Variants in RAD50 observed in about 807,000 individuals in gnomAD.
RAD50 encodes the protein DNA repair protein RAD50.
RAD50 carries 132 observed loss-of-function variants against 168.8 expected under a neutral mutation model. That is an observed-to-expected ratio of 0.78 (90% CI 0.68 to 0.90). The LOEUF (loss-of-function observed/expected upper bound fraction) is 0.90. Among genes scored for constraint, RAD50 ranks in the 40% least tolerant of loss-of-function variants. The pLI, the probability that RAD50 is intolerant of heterozygous loss-of-function variation, is 0.00. For synonymous variants in RAD50, 525 were observed against 497.4 expected, an observed-to-expected ratio of 1.06 and a Z score of -0.74; for missense variants, 1,347 against 1,534.4, an observed-to-expected ratio of 0.88 and a Z score of 2.04.
intron 7 of RAD50, 92 bp from the exon 8 acceptor site, chr5:132,588,595 C>CT: frequency 7.8e-7 from 1 of 1,284,172 alleles, no homozygotes; most frequent in Non-Finnish European, 1.1e-6. Flanking sequence ...AAGAGACACA[C>CT]TGCATTATTT....
At chr5:132,568,235 T>A (rs1348686907) in intron 2 of RAD50, among the ~76,000 whole-genome samples, 1 of 151,790 alleles carries the variant, frequency 6.6e-6, no homozygotes, top group Non-Finnish European at 1.5e-5. Flanking sequence ...CATGCCCGGC[T>A]GATTTTTTAT....
At chr5:132,603,629 A>T (rs1750928274) in intron 14 of RAD50, 140 bp downstream of exon 14, 1 of 989,606 alleles carries the variant, frequency 1.0e-6, no homozygotes, top group South Asian at 1.4e-5. Context: ...AGATACCCTC[A>T]GGGAGAAACT....
chr5:132,594,903 CA>C lies in RAD50; in HGVS notation c.1829del (p.His610LeufsTer2). 1 of 1,606,044 alleles carries C rather than the reference CA, an allele frequency of 6.2e-7. No individual in the cohort carries two copies. Among genetic ancestry groups the C allele is most frequent in the Non-Finnish European group, 8.5e-7 (1 of 1,172,832 alleles). ...ELASSEQNKN[H>X]INNELKRKEE... ...AGCTTCATCTGAGCAGAATAAAAAT[CA>C]TATAAATAATGAACTAAAAAGAAAG... On this transcript the variant is annotated frameshift_variant, in exon 12 of 25. Coordinates refer to ENST00000378823, the MANE Select transcript of RAD50 (RefSeq NM_005732.4). LOFTEE classifies it high-confidence loss of function.
intron 9 of RAD50, among the ~76,000 whole-genome samples, chr5:132,590,948 CAT>C (rs1034706891): frequency 6.6e-5 from 10 of 152,316 alleles, no homozygotes; most frequent in African/African-American, 2.4e-4. Flanking sequence ...TACTTAGACA[CAT>C]GTCTCCTAAT....
At chr5:132,569,428 G>C (rs1346280184) in intron 2 of RAD50, among the ~76,000 whole-genome samples, 4 of 152,142 alleles carry the variant, frequency 2.6e-5, no homozygotes, top group African/African-American at 9.7e-5. Context: ...ATGATGAGAA[G>C]AGGTCAATTT....
chr5:132,588,974 AT>A (rs1750648312), intron 8 of RAD50, 94 bp downstream of exon 8: 4 of 1,331,236 alleles, frequency 3.0e-6, no homozygotes, highest in East Asian at 5.0e-5. Flanking sequence ...ATTTTGGCAT[AT>A]TTTTCTATTA....
chr5:132,623,916 C>G (rs1306162263), intron 21 of RAD50, among the ~76,000 whole-genome samples: 1 of 152,144 alleles, frequency 6.6e-6, no homozygotes, highest in Non-Finnish European at 1.5e-5. Flanking sequence ...AAGGTGGTCC[C>G]AGAATTGCCT....
At chr5:132,600,799 A>G (rs1333977251) in intron 13 of RAD50, among the ~76,000 whole-genome samples, 3 of 152,184 alleles carry the variant, frequency 2.0e-5, no homozygotes, top group Non-Finnish European at 4.4e-5. Context: ...CAAAGAGTAA[A>G]TTTCAAATGT....
intron 5 of RAD50, among the ~76,000 whole-genome samples, chr5:132,580,872 T>A (rs973472400): frequency 1.3e-5 from 2 of 152,180 alleles, no homozygotes; most frequent in Non-Finnish European, 2.9e-5. Flanking sequence ...GTAGATTTTT[T>A]AAAGTCATTA....
At chr5:132,636,339 C>T (rs1053123027) in intron 21 of RAD50, among the ~76,000 whole-genome samples, 1 of 152,156 alleles carries the variant, frequency 6.6e-6, no homozygotes, top group Non-Finnish European at 1.5e-5. Context: ...AAACTACTAC[C>T]TTAAAAGAGA....
intron 22 of RAD50, 150 bp from the exon 23 acceptor site, chr5:132,637,931 C>T: frequency 1.1e-6 from 1 of 894,328 alleles, no homozygotes; most frequent in Non-Finnish European, 1.7e-6. Context: ...TTGAATCCTC[C>T]CAGCCAGAGA....
rs1581021033 is a variant in RAD50 at position 132,638,096 on chromosome 5, A to G, written c.3491A>G (p.Glu1164Gly). ...CCTGTGTCAGATATTGAATACATAG[A>G]AATACGGTCTGATGCCGATGAAAAT... is the stretch of plus-strand genomic sequence containing the variant. ...TYRGQDIEYI[E>G]IRSDADENVS... The change falls in exon 23 of 25, where the codon GAA becomes GGA. Residue 1164 changes from glutamate to glycine, a missense_variant. Transcript: ENST00000378823. 1 of 1,614,146 alleles carries G rather than the reference A, an allele frequency of 6.2e-7. No homozygotes were observed. The highest frequency in any genetic ancestry group is 1.1e-5 in the South Asian group (1 of 91,088).
chr5:132,603,236 C>CA, intron 13 of RAD50, 64 bp from the exon 14 acceptor site: 1 of 1,428,960 alleles, frequency 7.0e-7, no homozygotes, highest in Non-Finnish European at 9.6e-7. Context: ...CCTAAAAATA[C>CA]ATAACCTCAG....
intron 21 of RAD50, among the ~76,000 whole-genome samples, chr5:132,626,406 G>T (rs1241383666): frequency 6.6e-6 from 1 of 152,100 alleles, no homozygotes; most frequent in African/African-American, 2.4e-5. Flanking sequence ...TTTGAGTCCT[G>T]ACTGAAGATA....
At chr5:132,619,951 C>G (rs1050055260) in intron 21 of RAD50, among the ~76,000 whole-genome samples, 5 of 146,596 alleles carry the variant, frequency 3.4e-5, no homozygotes, top group Non-Finnish European at 5.9e-5. Context: ...GTCGCCCAGG[C>G]TGGAGTGCAG....
At chr5:132,559,493 A>G (rs1476678737) in intron 2 of RAD50, 126 bp downstream of exon 2, 2 of 896,076 alleles carry the variant, frequency 2.2e-6, no homozygotes, top group East Asian at 2.8e-5. Context: ...TTTAGCACCC[A>G]GTAGTAACCG....
At chr5:132,631,167 C>A (rs143645299) in intron 21 of RAD50, among the ~76,000 whole-genome samples, 2,856 of 145,674 alleles carry the variant, frequency 0.02, 74 homozygotes, top group African/African-American at 0.062. Flanking sequence ...GTCACCCAGG[C>A]TGGAGTTCAT....
intron 2 of RAD50, among the ~76,000 whole-genome samples, chr5:132,572,282 A>T (rs752393154): frequency 6.6e-6 from 1 of 152,226 alleles, no homozygotes; most frequent in Non-Finnish European, 1.5e-5. Flanking sequence ...GAAGGCATCC[A>T]CAGAAGTACC....
chr5:132,617,263 T>G (rs1468048399), intron 20 of RAD50, among the ~76,000 whole-genome samples: 1 of 152,204 alleles, frequency 6.6e-6, no homozygotes, highest in Non-Finnish European at 1.5e-5. Flanking sequence ...TTTAAAAAAT[T>G]TCTTCTGTAA....
Sources: gnomAD v4.1 joint callset for allele counts (sites outside exome capture counted in the v4.1 genomes callset) on GRCh38, gnomAD v4.1.1 for gene constraint, MANE v1.5 for transcripts, NCBI Gene and HGNC (gene_info 2026-07-23, HGNC 2026-07-21) for gene names.